Variants in CASK observed in about 807,000 individuals in gnomAD.
The protein encoded by CASK is calcium/calmodulin dependent serine protein kinase.
CASK carries 4 observed loss-of-function variants against 82.9 expected under a neutral mutation model. The ratio of observed to expected loss-of-function variants is 0.05; its 90% CI spans 0.02 to 0.11. The LOEUF is 0.11. Among genes scored for constraint, CASK ranks in the 10% least tolerant of loss-of-function variants. The pLI, the probability that CASK is intolerant of heterozygous loss-of-function variation, is 1.00. For missense variants in CASK, 358 were observed against 720.9 expected (o/e 0.50, Z 5.76); for synonymous variants, 259 against 253.5 (o/e 1.02, Z -0.20).
intron 12 of CASK, among the ~76,000 whole-genome samples, chrX:41,591,610 G>T (rs898589999): frequency 1.9e-4 from 21 of 111,082 alleles, no homozygotes; most frequent in Non-Finnish European, 3.8e-4. Flanking sequence ...GAGTAGCTGG[G>T]ATCACAGGCG....
chrX:41,853,327 T>C (rs964745854), intron 1 of CASK, 100 bp from the exon 2 acceptor site: 1 of 510,923 alleles, frequency 2.0e-6, no homozygotes, highest in Admixed American at 2.9e-5. Context: ...TAGATAATGT[T>C]TGCCATTCTA....
chrX:41,555,702 G>T, intron 19 of CASK, 67 bp from the exon 20 acceptor site: 1 of 812,932 alleles, frequency 1.2e-6, no homozygotes, highest in Non-Finnish European at 1.9e-6. Flanking sequence ...AGTAATTTGT[G>T]TGTTCTGTTA....
At chrX:41,757,221 G>GT (rs142262296) in intron 3 of CASK, among the ~76,000 whole-genome samples, 5 of 110,854 alleles carry the variant, frequency 4.5e-5, no homozygotes, top group Admixed American at 9.6e-5. Context: ...CTTTAATTCT[G>GT]TTTTTTTTCT....
intron 5 of CASK, among the ~76,000 whole-genome samples, chrX:41,694,109 A>G (rs1382410882): frequency 8.9e-6 from 1 of 112,202 alleles, no homozygotes; most frequent in Non-Finnish European, 1.9e-5. Flanking sequence ...CACAGTACTT[A>G]GCCAAGTGTG....
chrX:41,832,159 C>T (rs2070834963), intron 2 of CASK, among the ~76,000 whole-genome samples: 2 of 110,792 alleles, frequency 1.8e-5, no homozygotes, highest in Admixed American at 9.6e-5. Flanking sequence ...GAAAGTGAGA[C>T]AGATGGTGGA....
intron 2 of CASK, among the ~76,000 whole-genome samples, chrX:41,828,056 C>T (rs1460466851): frequency 9.0e-6 from 1 of 111,464 alleles, no homozygotes; most frequent in Admixed American, 9.5e-5. Context: ...CCCTTAATCC[C>T]TGCACCAGCC....
At chrX:41,794,639 G>A (rs2069807366) in intron 2 of CASK, among the ~76,000 whole-genome samples, 2 of 111,978 alleles carry the variant, frequency 1.8e-5, no homozygotes, top group Non-Finnish European at 1.9e-5. Context: ...GTTAGAGCCC[G>A]AAGGAACTTT....
chrX:41,783,122 C>T (rs949593198), intron 3 of CASK, among the ~76,000 whole-genome samples: 7 of 111,393 alleles, frequency 6.3e-5, no homozygotes, highest in South Asian at 3.8e-4. Flanking sequence ...CCAGCCTGGG[C>T]GACAGAGTGA....
chrX:41,624,200 G>A (rs1342659861), intron 10 of CASK: 1 of 333,927 alleles, frequency 3.0e-6, no homozygotes, highest in Non-Finnish European at 5.8e-6. Context: ...AGAAGACAGA[G>A]GTTTCAGCTA....
intron 2 of CASK, among the ~76,000 whole-genome samples, chrX:41,848,656 T>G (rs1326726033): frequency 9.0e-6 from 1 of 111,653 alleles, no homozygotes; most frequent in African/African-American, 3.3e-5. Flanking sequence ...GAAACACAAA[T>G]GTACTAAGAC....
intron 2 of CASK, among the ~76,000 whole-genome samples, chrX:41,822,557 CAAAAAAAAAAAAA>C (rs61374081): frequency 3.9e-5 from 2 of 50,678 alleles, no homozygotes; most frequent in Non-Finnish European, 6.4e-5. Context: ...GACTCCGTCT[CAAAAAAAAAAAAA>C]AAAAAAAAAA....
At chrX:41,745,726 CCTTT>C in intron 3 of CASK, 125 bp from the exon 4 acceptor site, 1 of 524,810 alleles carries the variant, frequency 1.9e-6, no homozygotes, top group Admixed American at 3.0e-5. Context: ...ATTTAAATCT[CCTTT>C]CTTTCAATGA....
At chrX:41,545,581 T>C (rs1435947997) in intron 21 of CASK, among the ~76,000 whole-genome samples, 1 of 111,972 alleles carries the variant, frequency 8.9e-6, no homozygotes, top group Non-Finnish European at 1.9e-5. Context: ...TAAGTCTTGG[T>C]ATCTGGTAGA....
At chrX:41,697,680 C>T (rs2067714832) in intron 5 of CASK, 1 of 111,891 alleles carries the variant, frequency 8.9e-6, no homozygotes, top group African/African-American at 3.2e-5. Context: ...ACTACACTCA[C>T]ATGCATCAAC....
rs181320846 is a variant in CASK, at chrX:41,557,600, G to A, written c.1738-500C>T. 4.5e-5 allele frequency among the ~76,000 whole-genome samples: 5 copies of A among 111,562 alleles called. No individual in the cohort carries two copies. The Admixed American group carries it at 4.8e-4, about 11-fold the overall frequency. ...ATCACCTCAGAATCTTTCTATTATA[G>A]AATAAATATTATTACTAGTAAGGGT... On this transcript the variant is annotated intron_variant, in intron 18 of 26. Coordinates refer to ENST00000378163, the MANE Select transcript of CASK (RefSeq NM_001367721.1).
intron 2 of CASK, among the ~76,000 whole-genome samples, chrX:41,810,477 C>A: frequency 9.0e-6 from 1 of 111,246 alleles, no homozygotes; most frequent in Admixed American, 9.5e-5. Context: ...TCATATCCAG[C>A]CAAACTAAGC....
intron 8 of CASK, among the ~76,000 whole-genome samples, chrX:41,637,364 C>A (rs1416797823): frequency 1.2e-5 from 1 of 80,713 alleles, no homozygotes; most frequent in African/African-American, 4.8e-5. Flanking sequence ...ACAGACTCTT[C>A]TAATTAGGAC....
intron 1 of CASK, among the ~76,000 whole-genome samples, chrX:41,868,089 T>G (rs2071623868): frequency 8.9e-6 from 1 of 112,285 alleles, no homozygotes; most frequent in Non-Finnish European, 1.9e-5. Flanking sequence ...ACTGACAATT[T>G]TGAGCACAAA....
chrX:41,757,192 C>A (rs2068912744), intron 3 of CASK, among the ~76,000 whole-genome samples: 1 of 112,013 alleles, frequency 8.9e-6, no homozygotes, highest in African/African-American at 3.2e-5. Flanking sequence ...ATACACAAAT[C>A]AGTCTTTTTT....
Sources: allele counts gnomAD v4.1 joint callset (sites outside exome capture counted in the v4.1 genomes callset), GRCh38; gene constraint gnomAD v4.1.1; transcripts MANE v1.5; gene names NCBI Gene and HGNC (gene_info 2026-07-23, HGNC 2026-07-21).